Variants in ACTR3C observed in about 807,000 individuals in gnomAD.
ACTR3C encodes the protein actin-related protein 3C.
Under a neutral mutation model 26.3 loss-of-function variants are expected in ACTR3C, and 18 were observed. The observed-to-expected ratio is 0.68, with a 90% confidence interval of 0.47 to 1.01. The LOEUF (loss-of-function observed/expected upper bound fraction) is 1.01. Ranked by LOEUF, ACTR3C falls within the 50% of genes least tolerant of loss-of-function variation. ACTR3C has a pLI of 0.00. For synonymous variants in ACTR3C, 55 were observed against 94.5 expected, an observed-to-expected ratio of 0.58 and a Z score of 2.42; for missense variants, 184 against 250.7, an observed-to-expected ratio of 0.73 and a Z score of 1.80.
the ACTR3C span, among the ~76,000 whole-genome samples, chr7:149,970,543 G>A: frequency 6.6e-6 from 1 of 152,158 alleles, no homozygotes; most frequent in Non-Finnish European, 1.5e-5. Flanking sequence ...GTCTCGATGT[G>A]AATGTTAATA....
chr7:150,102,190 C>A, the ACTR3C span, among the ~76,000 whole-genome samples: 1 of 151,536 alleles, frequency 6.6e-6, no homozygotes, highest in African/African-American at 2.4e-5. Context: ...CCTGAAGATT[C>A]TGAGCCTTGG....
At chr7:149,924,247 C>T in the ACTR3C span, among the ~76,000 whole-genome samples, 17 of 150,546 alleles carry the variant, frequency 1.1e-4, no homozygotes, top group South Asian at 2.1e-4. Flanking sequence ...TGATGGCGGG[C>T]GCCTGTAATT....
chr7:149,891,412 A>G, the ACTR3C span: 15 of 1,243,368 alleles, frequency 1.2e-5, no homozygotes, highest in Non-Finnish European at 1.6e-5. Flanking sequence ...TCTCCTTCTC[A>G]TTGCAGTTGT....
the ACTR3C span, among the ~76,000 whole-genome samples, chr7:150,179,466 C>T: frequency 6.8e-6 from 1 of 147,634 alleles, no homozygotes; most frequent in Non-Finnish European, 1.5e-5. Flanking sequence ...AAATCAATGC[C>T]TACATAAACC....
intron 6 of ACTR3C, among the ~76,000 whole-genome samples, chr7:150,259,025 C>A (rs1352142888): frequency 6.6e-6 from 1 of 151,476 alleles, no homozygotes; most frequent in African/African-American, 2.4e-5. Context: ...TTCATATTCA[C>A]TTGGAAGGGG....
chr7:150,281,250 G>C (rs1215059548), intron 6 of ACTR3C, among the ~76,000 whole-genome samples: 3 of 151,864 alleles, frequency 2.0e-5, no homozygotes, highest in African/African-American at 7.3e-5. Context: ...AAAGGTGACT[G>C]CGTGCTCTGC....
At chr7:149,928,756 T>C in the ACTR3C span, among the ~76,000 whole-genome samples, 1 of 151,328 alleles carries the variant, frequency 6.6e-6, no homozygotes, top group African/African-American at 2.4e-5. Context: ...GGCAGGAGAA[T>C]CGCTTGAACC....
the ACTR3C span, among the ~76,000 whole-genome samples, chr7:149,948,574 T>C: frequency 9.3e-5 from 14 of 151,330 alleles, no homozygotes; most frequent in African/African-American, 2.7e-4. Flanking sequence ...GCTGGAACGT[T>C]GGCCAGCAAA....
the ACTR3C span, among the ~76,000 whole-genome samples, chr7:150,138,152 C>A: frequency 6.6e-6 from 1 of 152,116 alleles, no homozygotes; most frequent in African/African-American, 2.4e-5. Flanking sequence ...ACCAACTGTA[C>A]GGCATGATGG....
chr7:150,078,928 G>A, the ACTR3C span, among the ~76,000 whole-genome samples: 1 of 152,156 alleles, frequency 6.6e-6, no homozygotes, highest in African/African-American at 2.4e-5. Flanking sequence ...AAGCTCACTT[G>A]TCTCTACTGA....
the ACTR3C span, among the ~76,000 whole-genome samples, chr7:150,072,943 A>G: frequency 6.6e-6 from 1 of 152,196 alleles, no homozygotes; most frequent in Non-Finnish European, 1.5e-5. Flanking sequence ...GGGAGAACAA[A>G]TAAGACAGCA....
the ACTR3C span, among the ~76,000 whole-genome samples, chr7:150,141,210 A>C: frequency 2.0e-4 from 30 of 152,246 alleles, no homozygotes; most frequent in African/African-American, 7.2e-4. Flanking sequence ...GCTGCACCAG[A>C]AAAAGTTCAC....
At chr7:150,066,590 T>C in the ACTR3C span, among the ~76,000 whole-genome samples, 1 of 152,198 alleles carries the variant, frequency 6.6e-6, no homozygotes, top group African/African-American at 2.4e-5. Context: ...TAGTTGGCCC[T>C]ACACTTAATA....
At chr7:150,114,625 T>C in the ACTR3C span, among the ~76,000 whole-genome samples, 5 of 152,236 alleles carry the variant, frequency 3.3e-5, no homozygotes, top group Admixed American at 3.3e-4. Flanking sequence ...AACGCGTATC[T>C]ATTTTCTGTT....
chr7:150,103,091 G>C, the ACTR3C span, among the ~76,000 whole-genome samples: 1 of 151,920 alleles, frequency 6.6e-6, no homozygotes, highest in Non-Finnish European at 1.5e-5. Context: ...GTGTGTGTGT[G>C]TGCTGTGCAC....
chr7:150,288,763 A>T (rs1188885161), intron 4 of ACTR3C, among the ~76,000 whole-genome samples: 1 of 145,376 alleles, frequency 6.9e-6, no homozygotes, highest in Admixed American at 6.7e-5. Flanking sequence ...CAGCACTGAG[A>T]GCCCCCTTCC....
chr7:150,311,918 T>C (rs1176794751), intron 1 of ACTR3C, among the ~76,000 whole-genome samples: 2 of 152,194 alleles, frequency 1.3e-5, no homozygotes, highest in Non-Finnish European at 2.9e-5. Flanking sequence ...ACAGCCTCCA[T>C]AACCATGCTG....
chr7:149,998,872 C>T, the ACTR3C span, among the ~76,000 whole-genome samples: 7 of 150,704 alleles, frequency 4.6e-5, no homozygotes, highest in Admixed American at 2.0e-4. Context: ...GAAGGGGCTG[C>T]GCTGCTGTCT....
At chr7:150,201,147 T>C in the ACTR3C span, among the ~76,000 whole-genome samples, 1 of 152,240 alleles carries the variant, frequency 6.6e-6, no homozygotes, top group African/African-American at 2.4e-5. Context: ...GTGAGCCTTC[T>C]ATTTCAGATA....
Sources: gnomAD v4.1 joint callset for allele counts (sites outside exome capture counted in the v4.1 genomes callset) on GRCh38, gnomAD v4.1.1 for gene constraint, MANE v1.5 for transcripts, NCBI Gene and HGNC (gene_info 2026-07-23, HGNC 2026-07-21) for gene names.